HCRTR2: variants seen among roughly 807,000 people sequenced by gnomAD.
HCRTR2 encodes the protein orexin receptor type 2.
A neutral mutation model predicts 49.0 loss-of-function variants in HCRTR2; 22 were observed. That is an observed-to-expected ratio of 0.45 (90% confidence interval 0.32 to 0.64). The LOEUF (loss-of-function observed/expected upper bound fraction) is 0.64. Among genes scored for constraint, HCRTR2 ranks in the 30% least tolerant of loss-of-function variants. HCRTR2 has a pLI of 0.04. For synonymous variants in HCRTR2, 236 were observed against 205.3 expected (o/e 1.15, Z -1.28); for missense variants, 491 against 559.4 (o/e 0.88, Z 1.23).
chr6:55,174,110 T>G (rs1764990585), upstream of HCRTR2: 1 of 217,070 alleles, frequency 4.6e-6, no homozygotes, highest in Non-Finnish European at 9.4e-6. Flanking sequence ...CACGTAAAAA[T>G]AGAGAAAATA....
intron 1 of HCRTR2, among the ~76,000 whole-genome samples, chr6:55,125,627 T>G (rs1452080668): frequency 1.3e-5 from 2 of 152,170 alleles, no homozygotes; most frequent in Non-Finnish European, 2.9e-5. Context: ...CTTTGTGGTG[T>G]TGTCTGTATT....
intron 1 of HCRTR2, among the ~76,000 whole-genome samples, chr6:55,236,239 T>C (rs1042436808): frequency 6.6e-6 from 1 of 152,062 alleles, no homozygotes; most frequent in Non-Finnish European, 1.5e-5. Flanking sequence ...ATGTTGAACA[T>C]TTATTATTCT....
chr6:55,262,496 A>T (rs1766782127), intron 3 of HCRTR2, among the ~76,000 whole-genome samples: 1 of 130,876 alleles, frequency 7.6e-6, no homozygotes, highest in Non-Finnish European at 1.6e-5. Context: ...ACTTATTATT[A>T]TATATTATAA....
chr6:55,142,647 C>A (rs1391190272), intron 1 of HCRTR2, among the ~76,000 whole-genome samples: 2 of 151,664 alleles, frequency 1.3e-5, no homozygotes, highest in Admixed American at 6.6e-5. Flanking sequence ...TAGAAAACAT[C>A]ATTTTTGTTG....
Position 55,174,706 on chromosome 6 carries a change from T to C in HCRTR2, c.119T>C (p.Leu40Pro), listed in dbSNP as rs1279529362. ...NPTDYDDEEF[L>P]RYLWREYLHP... Reference sequence around the variant, plus strand: ...ACCGACTATGACGACGAGGAATTCCTGCGGTACCTGTGGAGGGAATACCTG... The same window carrying C: ...ACCGACTATGACGACGAGGAATTCCCGCGGTACCTGTGGAGGGAATACCTG... The change falls in exon 1 of 7, where the codon CTG becomes CCG. Residue 40 changes from leucine (L) to proline (P), a missense_variant. Coordinates refer to ENST00000370862, the MANE Select transcript of HCRTR2 (RefSeq NM_001384272.1). 1 of 1,614,110 alleles carries C rather than the reference T, an allele frequency of 6.2e-7. No individual in the cohort carries two copies. Among genetic ancestry groups the C allele is most frequent in the Non-Finnish European group, 8.5e-7 (1 of 1,179,994 alleles).
chr6:55,187,411 C>CAAAAAAAAAAAAAAAAAAA (rs57619664), intron 1 of HCRTR2, among the ~76,000 whole-genome samples: 1 of 98,396 alleles, frequency 1.0e-5, no homozygotes. Flanking sequence ...GACTCCGTCT[C>CAAAAAAAAAAAAAAAAAAA]AAAAAAAAAA....
At chr6:55,138,328 T>G (rs552779113) in intron 1 of HCRTR2, among the ~76,000 whole-genome samples, 1 of 152,180 alleles carries the variant, frequency 6.6e-6, no homozygotes. Flanking sequence ...GCAAGTAAGA[T>G]AAACTTCTTT....
At chr6:55,269,139 A>C (rs1028356568) in intron 4 of HCRTR2, among the ~76,000 whole-genome samples, 1 of 151,928 alleles carries the variant, frequency 6.6e-6, no homozygotes, top group African/African-American at 2.4e-5. Context: ...AATAGCAACA[A>C]GGAAATAAAA....
At chr6:55,193,849 T>C (rs1765363286) in intron 1 of HCRTR2, among the ~76,000 whole-genome samples, 3 of 152,154 alleles carry the variant, frequency 2.0e-5, no homozygotes, top group Non-Finnish European at 4.4e-5. Context: ...GTTGATACCA[T>C]GGGTTTCTCT....
At chr6:55,129,785 T>A (rs1764329284) in intron 1 of HCRTR2, among the ~76,000 whole-genome samples, 1 of 152,030 alleles carries the variant, frequency 6.6e-6, no homozygotes, top group African/African-American at 2.4e-5. Flanking sequence ...ACAAATCTGA[T>A]CACATGTCTT....
intron 1 of HCRTR2, among the ~76,000 whole-genome samples, chr6:55,187,435 A>G (rs370895976): frequency 1.9e-4 from 16 of 83,366 alleles, no homozygotes; most frequent in Admixed American, 4.6e-4. Flanking sequence ...AAAAAAAAAA[A>G]AAAAAAAAAA....
At chr6:55,196,378 T>C (rs1765409769) in intron 1 of HCRTR2, among the ~76,000 whole-genome samples, 1 of 152,194 alleles carries the variant, frequency 6.6e-6, no homozygotes, top group African/African-American at 2.4e-5. Context: ...GGGTTTTACA[T>C]ATCACCTGTG....
intron 1 of HCRTR2, among the ~76,000 whole-genome samples, chr6:55,246,290 T>C (rs897974842): frequency 7.9e-5 from 12 of 152,040 alleles, no homozygotes; most frequent in Non-Finnish European, 1.3e-4. Context: ...ACAATGTACA[T>C]ATATAGGTAA....
At chr6:55,156,888 A>T (rs1764738710) in intron 1 of HCRTR2, among the ~76,000 whole-genome samples, 2 of 152,168 alleles carry the variant, frequency 1.3e-5, no homozygotes, top group African/African-American at 2.4e-5. Context: ...AACTTCCTCA[A>T]CTTTACAAAG....
At chr6:55,208,478 C>T (rs1056407119) in intron 1 of HCRTR2, among the ~76,000 whole-genome samples, 5 of 150,324 alleles carry the variant, frequency 3.3e-5, no homozygotes, top group East Asian at 2.0e-4. Flanking sequence ...GGTGACAGAG[C>T]GAGACTCCAC....
intron 5 of HCRTR2, among the ~76,000 whole-genome samples, chr6:55,277,962 G>A (rs1767110653): frequency 6.6e-6 from 1 of 152,034 alleles, no homozygotes; most frequent in African/African-American, 2.4e-5. Flanking sequence ...TCAAAACTTC[G>A]TTTCCAAAAA....
intron 3 of HCRTR2, among the ~76,000 whole-genome samples, chr6:55,262,359 A>G (rs1051099420): frequency 2.8e-5 from 4 of 140,784 alleles, no homozygotes; most frequent in Non-Finnish European, 4.5e-5. Context: ...ATATAAATAT[A>G]TAATGTATTA....
At chr6:55,210,011 T>C (rs1435578988) in intron 1 of HCRTR2, among the ~76,000 whole-genome samples, 1 of 152,082 alleles carries the variant, frequency 6.6e-6, no homozygotes, top group East Asian at 1.9e-4. Context: ...TGTAAACTAA[T>C]AAAGGGAGTA....
At chr6:55,185,386 C>T (rs934331185) in intron 1 of HCRTR2, among the ~76,000 whole-genome samples, 16 of 152,096 alleles carry the variant, frequency 1.1e-4, no homozygotes, top group African/African-American at 3.6e-4. Context: ...AGTTTATAGA[C>T]GTATGTGTTA....
Sources: allele counts gnomAD v4.1 joint callset (sites outside exome capture counted in the v4.1 genomes callset), GRCh38; gene constraint gnomAD v4.1.1; transcripts MANE v1.5; gene names NCBI Gene and HGNC (gene_info 2026-07-23, HGNC 2026-07-21).